CHODL: variants seen among roughly 807,000 people sequenced by gnomAD.
CHODL encodes chondrolectin.
CHODL carries 29 observed loss-of-function variants against 34.5 expected under a neutral mutation model. That is an observed-to-expected ratio of 0.84 (90% CI 0.63 to 1.15). CHODL has a LOEUF of 1.15. Among genes scored for constraint, CHODL ranks in the 50% most tolerant of loss-of-function variants. The pLI is 0.00. For missense variants in CHODL, 332 were observed against 332.5 expected (o/e 1.00, Z 0.01); for synonymous variants, 125 against 116.1 (o/e 1.08, Z -0.49).
At chr21:18,148,015 G>C (rs993825847) in intron 2 of CHODL, among the ~76,000 whole-genome samples, 1 of 152,152 alleles carries the variant, frequency 6.6e-6, no homozygotes, top group Non-Finnish European at 1.5e-5. Context: ...TCTGGTTTAT[G>C]TTATGTGGGA....
At chr21:17,936,602 A>G (rs1339676822) in intron 1 of CHODL, among the ~76,000 whole-genome samples, 1 of 152,200 alleles carries the variant, frequency 6.6e-6, no homozygotes, top group Non-Finnish European at 1.5e-5. Flanking sequence ...AAGTTTGGCT[A>G]TACATTTGCA....
intron 2 of CHODL, among the ~76,000 whole-genome samples, chr21:18,079,827 A>G (rs158615): frequency 3.6e-4 from 54 of 152,088 alleles, no homozygotes; most frequent in Middle Eastern, 3.4e-3. Context: ...TAGCAAAATA[A>G]TAGAATTTGC....
intron 1 of CHODL, among the ~76,000 whole-genome samples, chr21:17,935,965 C>T (rs1037557243): frequency 2.6e-5 from 4 of 152,204 alleles, no homozygotes; most frequent in Non-Finnish European, 4.4e-5. Context: ...GTTTGCCATG[C>T]TTTCTTTTCC....
chr21:18,265,233 GTGTA>G (rs1405179829), intron 5 of CHODL, among the ~76,000 whole-genome samples: 3 of 132,956 alleles, frequency 2.3e-5, no homozygotes, highest in Non-Finnish European at 3.3e-5. Context: ...ATATATATGT[GTGTA>G]TATATATATG....
intron 2 of CHODL, among the ~76,000 whole-genome samples, chr21:18,028,259 T>C (rs197514): frequency 0.65 from 73,144 of 113,050 alleles, 24,393 homozygotes; most frequent in African/African-American, 0.75. Flanking sequence ...TTTCCTTTTC[T>C]TTTTCTTTTT....
intron 1 of CHODL, among the ~76,000 whole-genome samples, chr21:17,946,340 ACC>A (rs1270578570): frequency 6.6e-6 from 1 of 151,880 alleles, no homozygotes; most frequent in Non-Finnish European, 1.5e-5. Context: ...AATGGCGTGA[ACC>A]CCCGGGGGCG....
At chr21:18,067,136 T>G (rs578036827) in intron 2 of CHODL, among the ~76,000 whole-genome samples, 1 of 152,272 alleles carries the variant, frequency 6.6e-6, no homozygotes, top group Admixed American at 6.5e-5. Context: ...CTCAGCACAT[T>G]TTCACAACAC....
chr21:18,107,050 C>T (rs890751366), intron 2 of CHODL, among the ~76,000 whole-genome samples: 10 of 152,132 alleles, frequency 6.6e-5, no homozygotes, highest in African/African-American at 2.2e-4. Flanking sequence ...TCTGGAGAAC[C>T]CTCTCCCTAA....
At chr21:18,038,660 A>G (rs1807453213) in intron 2 of CHODL, among the ~76,000 whole-genome samples, 1 of 151,726 alleles carries the variant, frequency 6.6e-6, no homozygotes, top group South Asian at 2.1e-4. Context: ...AATACTTGCC[A>G]ACAATCACTA....
In CHODL at chr21:18,256,638, G is replaced by C. The variant is rs755708329; in HGVS notation, c.209G>C (p.Ser70Thr). 7.4e-6 allele frequency: 12 copies of C among 1,614,072 alleles called. No homozygotes were observed. The South Asian group carries it at 1.3e-4, about 18-fold the overall frequency. The part of the protein sequence containing the change: ...ACESEGGVLL[S>T]LENEAEQKLI... ...GAGAGTGAGGGAGGAGTCCTCCTCA[G>C]CCTTGAGAATGAAGCAGAACAGAAG... Residue 70 changes from serine to threonine, a missense_variant, in exon 2 of 6, where the codon AGC (serine) becomes ACC (threonine). Ser to Thr is a moderately conservative substitution (Grantham distance 58, BLOSUM62 1). Coordinates refer to ENST00000299295, the MANE Select transcript of CHODL (RefSeq NM_024944.3).
At position 18,266,174 on chromosome 21, in the gene CHODL, TTAAAG is replaced by T. The variant is rs1252272598; in HGVS notation, c.*140_*144del. 2.6e-6 allele frequency: 4 copies of T among 1,552,214 alleles called. No individual in the cohort carries two copies. The African/African-American group carries it at 4.1e-5, about 16-fold the overall frequency. On this transcript the variant is annotated 3_prime_UTR_variant, in exon 6 of 6. Transcript: ENST00000299295. ...TGTAAGCTCCCCCTTGAGGCAAATA[TTAAAG>T]TAATTTTTATATGTCTATTATTTCA...
At position 18,167,223 on chromosome 21, in the gene CHODL, G is replaced by C. The variant is rs1313194915; in HGVS notation, c.-44-89286G>C. ...CATTTCTCTCTCTCTGTGTGTGTGT[G>C]TGTGTGTGTGTGTGTGTGTGTGTGT... On this transcript the variant is annotated intron_variant, in intron 2 of 6. Coordinates refer to the CHODL transcript ENST00000400127. Among the ~76,000 whole-genome samples the C allele has an allele frequency of 2.4e-3, 290 of 122,788 alleles. 1 individual carries two copies. The highest frequency in any genetic ancestry group is 0.012 in the South Asian group (42 of 3,378). The allele number at this position is 122,788 out of a possible 152,430, so 80.6% of individuals were successfully genotyped here. A position where few individuals can be genotyped will look rare whatever the true frequency, so the allele number is the denominator to read the frequency against.
intron 1 of CHODL, among the ~76,000 whole-genome samples, chr21:17,968,466 T>C (rs766220421): frequency 1.7e-4 from 26 of 152,258 alleles, no homozygotes; most frequent in African/African-American, 5.5e-4. Flanking sequence ...TTGGTCTCTG[T>C]TAAAATAAAT....
At chr21:18,260,397 G>A in intron 4 of CHODL, 111 bp downstream of exon 4, 2 of 659,598 alleles carry the variant, frequency 3.0e-6, no homozygotes, top group South Asian at 1.9e-5. Context: ...GGTTCACTAA[G>A]TATGGTCCTA....
chr21:17,960,428 T>C (rs1568817700), intron 1 of CHODL, among the ~76,000 whole-genome samples: 1 of 152,210 alleles, frequency 6.6e-6, no homozygotes, highest in African/African-American at 2.4e-5. Context: ...AAGGCTCTGT[T>C]GAGCACCCTG....
chr21:18,169,508 G>A (rs2073201689), intron 2 of CHODL, among the ~76,000 whole-genome samples: 1 of 151,594 alleles, frequency 6.6e-6, no homozygotes, highest in Non-Finnish European at 1.5e-5. Flanking sequence ...TAACTTTGTA[G>A]TAAGTTTTGA....
chr21:17,961,981 G>A (rs1289761844), intron 1 of CHODL, among the ~76,000 whole-genome samples: 1 of 152,168 alleles, frequency 6.6e-6, no homozygotes, highest in Non-Finnish European at 1.5e-5. Flanking sequence ...AGAATTGGAA[G>A]CAAGACAAAT....
chr21:18,022,052 T>C lies in CHODL; in HGVS notation c.-144-5820T>C, dbSNP rs141282512. 4.2e-3 allele frequency among the ~76,000 whole-genome samples: 636 copies of C among 152,288 alleles called. 3 individuals carry two copies. The Middle Eastern group carries it at 0.048, about 11-fold the overall frequency. ...AAATTAGTGCTATTATAAGAAGTGA[T>C]ACCAGAGAGCTTGCTTCTCTCAGGA... On this transcript the variant is annotated intron_variant, in intron 1 of 6. Coordinates refer to the CHODL transcript ENST00000400127.
intron 2 of CHODL, among the ~76,000 whole-genome samples, chr21:18,151,803 G>T (rs1440628897): frequency 6.6e-6 from 1 of 152,076 alleles, no homozygotes; most frequent in East Asian, 1.9e-4. Context: ...CCATACATTT[G>T]GTCACTGAAG....
Sources: gnomAD v4.1 joint callset for allele counts (sites outside exome capture counted in the v4.1 genomes callset) on GRCh38, gnomAD v4.1.1 for gene constraint, MANE v1.5 for transcripts, NCBI Gene and HGNC (gene_info 2026-07-23, HGNC 2026-07-21) for gene names.